DPCD: variants seen among roughly 807,000 people sequenced by gnomAD.
The protein encoded by DPCD is deleted in primary ciliary dyskinesia homolog (mouse).
A neutral mutation model predicts 26.4 loss-of-function variants in DPCD; 20 were observed. That is an observed-to-expected ratio of 0.76 (90% CI 0.53 to 1.10). The LOEUF (loss-of-function observed/expected upper bound fraction) is 1.10. Among genes scored for constraint, DPCD ranks in the 50% least tolerant of loss-of-function variants. The pLI, the probability that DPCD is intolerant of heterozygous loss-of-function variation, is 0.00. For missense variants in DPCD, 202 were observed against 253.9 expected, an observed-to-expected ratio of 0.80 and a Z score of 1.39; for synonymous variants, 97 against 94.2, an observed-to-expected ratio of 1.03 and a Z score of -0.17.
At chr10:101,607,687 A>G (rs999584023) in intron 4 of DPCD, among the ~76,000 whole-genome samples, 17 of 152,088 alleles carry the variant, frequency 1.1e-4, no homozygotes, top group Non-Finnish European at 2.5e-4. Flanking sequence ...GCCCCTCTGA[A>G]GTACTAAAAG....
chr10:101,607,677 G>A (rs1425209214), intron 4 of DPCD, among the ~76,000 whole-genome samples: 1 of 152,074 alleles, frequency 6.6e-6, no homozygotes, highest in Non-Finnish European at 1.5e-5. Flanking sequence ...CAAGGACCAG[G>A]CCCCTCTGAA....
At chr10:101,589,095 A>G (rs2063547083) in intron 1 of DPCD, among the ~76,000 whole-genome samples, 1 of 152,236 alleles carries the variant, frequency 6.6e-6, no homozygotes, top group Admixed American at 6.5e-5. Context: ...CCCACTGGGT[A>G]GCCAGGATGA....
intron 1 of DPCD, 79 bp downstream of exon 1, chr10:101,588,479 G>A: frequency 1.3e-6 from 2 of 1,537,052 alleles, no homozygotes; most frequent in Non-Finnish European, 1.8e-6. Context: ...CAGGGCCTGG[G>A]TCGGCAGAGC....
chr10:101,596,367 G>C (rs2063651966), intron 2 of DPCD, among the ~76,000 whole-genome samples: 1 of 152,152 alleles, frequency 6.6e-6, no homozygotes, highest in Admixed American at 6.5e-5. Flanking sequence ...CCTCGTTAAA[G>C]CCCTATGAGG....
chr10:101,594,517 T>A, intron 1 of DPCD, 141 bp from the exon 2 acceptor site: 1 of 713,344 alleles, frequency 1.4e-6, no homozygotes, highest in South Asian at 1.7e-5. Flanking sequence ...TGGGTGGTGG[T>A]TGGCAAGGAG....
intron 2 of DPCD, among the ~76,000 whole-genome samples, chr10:101,598,282 A>C (rs1185777007): frequency 6.6e-6 from 1 of 152,174 alleles, no homozygotes; most frequent in Admixed American, 6.5e-5. Flanking sequence ...TAGTCCTCAT[A>C]ATTTACTTTT....
intron 4 of DPCD, chr10:101,605,168 C>T: frequency 6.4e-7 from 1 of 1,550,500 alleles, no homozygotes; most frequent in Non-Finnish European, 8.7e-7. Context: ...TCTCTGGACC[C>T]CTCTGGCCAT....
At chr10:101,599,771 A>G (rs1564893754) in intron 2 of DPCD, among the ~76,000 whole-genome samples, 2 of 152,218 alleles carry the variant, frequency 1.3e-5, no homozygotes, top group Non-Finnish European at 2.9e-5. Flanking sequence ...CTCCTTAAAC[A>G]GCTACAGAGG....
At chr10:101,608,628 C>T (rs1333596622) in intron 4 of DPCD, among the ~76,000 whole-genome samples, 1 of 152,220 alleles carries the variant, frequency 6.6e-6, no homozygotes, top group East Asian at 1.9e-4. Flanking sequence ...GCTCTTCTGC[C>T]ACTGGACTGG....
chr10:101,594,817 G>T, intron 2 of DPCD, 79 bp downstream of exon 2: 1 of 1,359,350 alleles, frequency 7.4e-7, no homozygotes, highest in East Asian at 2.3e-5. Context: ...CTAGCCTTAG[G>T]CTTGAGGTAG....
intron 1 of DPCD, among the ~76,000 whole-genome samples, chr10:101,591,968 G>A (rs959158182): frequency 6.6e-6 from 1 of 152,096 alleles, no homozygotes; most frequent in Non-Finnish European, 1.5e-5. Flanking sequence ...TTACAGGCGT[G>A]AGCCGCCTCG....
chr10:101,600,959 C>T lies in DPCD; in HGVS notation c.270+97C>T. 1 of 1,575,420 alleles carries T rather than the reference C, an allele frequency of 6.3e-7. No homozygotes were observed. The highest frequency in any genetic ancestry group is 8.6e-7 in the Non-Finnish European group (1 of 1,164,042). On this transcript the variant is annotated intron_variant, in intron 3 of 5. Coordinates refer to ENST00000370151, the MANE Select transcript of DPCD (RefSeq NM_015448.3). The surrounding 1 kb of genome is among the most constrained non-coding windows in gnomAD (Gnocchi z 4.7). ...GCAGGGACCATGTCTTGTTCACCTCCTCGCCTCCAGTGTGCCACCTGGACA... is the reference window on the plus strand; with the variant it reads ...GCAGGGACCATGTCTTGTTCACCTCTTCGCCTCCAGTGTGCCACCTGGACA...
chr10:101,599,614 A>T (rs2063677558), intron 2 of DPCD, among the ~76,000 whole-genome samples: 1 of 152,152 alleles, frequency 6.6e-6, no homozygotes, highest in Non-Finnish European at 1.5e-5. Flanking sequence ...GGGCGTTTGG[A>T]TTTGACACAG....
Position 101,600,625 on chromosome 10 carries a change from T to G in DPCD, c.146-113T>G, listed in dbSNP as rs1589725921. ...AAGGCCCAACACTCCCACTTTCATC[T>G]TGTGCTAGTTACCTAGTGTGGTGCC... On this transcript the variant is annotated intron_variant, in intron 2 of 5. Transcript: ENST00000370151. This position sits in a 1 kb window ranked among gnomAD's most constrained non-coding sequence, Gnocchi z 4.7. 6.2e-6 allele frequency: 9 copies of G among 1,458,444 alleles called. No homozygotes were observed. The East Asian group carries it at 1.9e-4, about 30-fold the overall frequency. 90.3% of individuals were successfully genotyped at this position (1,458,444 alleles called of 1,614,324 possible).
chr10:101,595,021 A>G (rs894041406), intron 2 of DPCD, among the ~76,000 whole-genome samples: 3 of 152,180 alleles, frequency 2.0e-5, no homozygotes, highest in African/African-American at 4.8e-5. Flanking sequence ...AAAACTTTAC[A>G]GAGGAGGTGG....
At chr10:101,588,720 A>G (rs866365086) in intron 1 of DPCD, 3 of 962,636 alleles carry the variant, frequency 3.1e-6, no homozygotes, top group Middle Eastern at 1.1e-3. Flanking sequence ...CCCGTTTTAC[A>G]GAAGAGGAAA....
chr10:101,601,444 C>G, intron 4 of DPCD, 108 bp downstream of exon 4: 8 of 1,069,202 alleles, frequency 7.5e-6, no homozygotes, highest in Non-Finnish European at 1.0e-5. Context: ...AGAGAGGAAG[C>G]CCTTCTGCTT....
chr10:101,604,215 C>T (rs1237915917), intron 4 of DPCD, among the ~76,000 whole-genome samples: 1 of 152,168 alleles, frequency 6.6e-6, no homozygotes, highest in Non-Finnish European at 1.5e-5. Context: ...AGGATCCATA[C>T]TTTTATTCTT....
At chr10:101,597,616 A>G (rs2063663323) in intron 2 of DPCD, among the ~76,000 whole-genome samples, 1 of 152,218 alleles carries the variant, frequency 6.6e-6, no homozygotes, top group Non-Finnish European at 1.5e-5. Flanking sequence ...ATTCCCCATC[A>G]GACTCTTCAC....
Sources: gnomAD v4.1 joint callset for allele counts (sites outside exome capture counted in the v4.1 genomes callset) on GRCh38, gnomAD v4.1.1 for gene constraint, Gnocchi (gnomAD v3.1) non-coding constraint, MANE v1.5 for transcripts, NCBI Gene and HGNC (gene_info 2026-07-23, HGNC 2026-07-21) for gene names.